Variants in ATP9B observed in about 807,000 individuals in gnomAD.
The protein encoded by ATP9B is probable phospholipid-transporting ATPase IIB.
Under a neutral mutation model 146.1 loss-of-function variants are expected in ATP9B, and 110 were observed. That is an observed-to-expected ratio of 0.75 (90% CI 0.65 to 0.88). ATP9B has a LOEUF of 0.88. Ranked by LOEUF, ATP9B falls within the 40% of genes least tolerant of loss-of-function variation. The probability of loss-of-function intolerance (pLI) is 0.00; values close to 1 mark genes in which losing one functional copy is unlikely to be tolerated. For missense variants in ATP9B, 1,499 were observed against 1,496.4 expected (o/e 1.00, Z -0.03); for synonymous variants, 604 against 569.7 (o/e 1.06, Z -0.86).
Position 79,126,236 on chromosome 18 carries a change from T to C in ATP9B, c.559-31T>C, listed in dbSNP as rs1283694121. ...TTTTGTCTTTTTTGTTAAAGTTTAGTTTTCTAAAAATACCTTATTTTGTTT... is the reference window on the plus strand; with the variant it reads ...TTTTGTCTTTTTTGTTAAAGTTTAGCTTTCTAAAAATACCTTATTTTGTTT... On this transcript the variant is annotated intron_variant, in intron 4 of 29. Transcript: ENST00000426216. The C allele has an allele frequency of 2.6e-6, 4 of 1,544,616 alleles. No individual in the cohort carries two copies. The African/African-American group carries it at 5.5e-5, about 21-fold the overall frequency.
At chr18:79,318,318 G>A (rs1041455258) in intron 15 of ATP9B, among the ~76,000 whole-genome samples, 4 of 152,224 alleles carry the variant, frequency 2.6e-5, no homozygotes, top group Admixed American at 2.0e-4. Flanking sequence ...GTGAAAAGTC[G>A]TGTTGCTAGA....
chr18:79,254,259 T>A (rs892971023), intron 12 of ATP9B: 3 of 152,264 alleles, frequency 2.0e-5, no homozygotes, highest in Non-Finnish European at 4.4e-5. Context: ...ATGCTTAGGC[T>A]CAAGGATGTA....
Position 79,348,197 on chromosome 18 carries a change from G to A in ATP9B, c.2903+1G>A. On this transcript the variant is annotated splice_donor_variant, in intron 25 of 29. Transcript: ENST00000426216. LOFTEE classifies it high-confidence loss of function. ...TGTATCAGGGCTTCCTCATGGTGGG[G>A]TAAGTTACACTCAGAACCTGCCAGC... 6.3e-7 allele frequency: 1 copy of A among 1,586,962 alleles called. No homozygotes were observed. The highest frequency in any genetic ancestry group is 2.3e-5 in the East Asian group (1 of 43,106).
chr18:79,129,631 A>G (rs937115919), intron 5 of ATP9B, among the ~76,000 whole-genome samples: 1 of 152,270 alleles, frequency 6.6e-6, no homozygotes, highest in African/African-American at 2.4e-5. Flanking sequence ...AAAATAGTGT[A>G]GAAAAATCAG....
At chr18:79,320,584 A>G (rs1433676124) in intron 15 of ATP9B, among the ~76,000 whole-genome samples, 5 of 152,212 alleles carry the variant, frequency 3.3e-5, no homozygotes, top group Admixed American at 3.3e-4. Flanking sequence ...TTGTTGGAAG[A>G]TAAACCCCAG....
chr18:79,094,587 G>A (rs994311674), intron 1 of ATP9B, among the ~76,000 whole-genome samples: 8 of 152,164 alleles, frequency 5.3e-5, no homozygotes, highest in Non-Finnish European at 1.0e-4. Context: ...AATAGGGCTA[G>A]GAGAAACAAA....
At chr18:79,307,397 G>T (rs894401149) in intron 15 of ATP9B, 163 bp downstream of exon 15, 2 of 1,065,822 alleles carry the variant, frequency 1.9e-6, no homozygotes, top group Non-Finnish European at 2.6e-6. Context: ...ATTCCAGCAT[G>T]TAGCCTCTGA....
chr18:79,256,284 T>TATATATATATAC (rs1217998447), intron 12 of ATP9B, among the ~76,000 whole-genome samples: 4 of 122,882 alleles, frequency 3.3e-5, no homozygotes, highest in African/African-American at 8.8e-5. Flanking sequence ...TATATATATA[T>TATATATATATAC]ATACATACAT....
chr18:79,084,987 T>C (rs1453339229), intron 1 of ATP9B: 1 of 144,418 alleles, frequency 6.9e-6, no homozygotes, highest in Non-Finnish European at 1.5e-5. Flanking sequence ...AATATAATAC[T>C]TGAGGCTGGG....
chr18:79,354,518 A>T (rs1205985538), intron 25 of ATP9B: 1 of 139,732 alleles, frequency 7.2e-6, no homozygotes, highest in Non-Finnish European at 1.5e-5. Context: ...GCAGTGAGTC[A>T]TGATTGCACC....
chr18:79,327,276 A>G (rs2096752771), intron 15 of ATP9B, among the ~76,000 whole-genome samples: 1 of 152,220 alleles, frequency 6.6e-6, no homozygotes, highest in African/African-American at 2.4e-5. Flanking sequence ...GGTGGGTGAG[A>G]ATGAGGTTGT....
At chr18:79,356,046 G>T (rs1262251763) in intron 25 of ATP9B, among the ~76,000 whole-genome samples, 1 of 152,214 alleles carries the variant, frequency 6.6e-6, no homozygotes, top group Non-Finnish European at 1.5e-5. Flanking sequence ...TCCAAGCTCA[G>T]CCATGAAGGG....
chr18:79,208,236 T>G (rs2095553556), intron 10 of ATP9B, among the ~76,000 whole-genome samples: 1 of 152,096 alleles, frequency 6.6e-6, no homozygotes, highest in Non-Finnish European at 1.5e-5. Context: ...CAGAGCGAGA[T>G]GCCATCTCAA....
intron 9 of ATP9B, among the ~76,000 whole-genome samples, chr18:79,199,775 A>G (rs1395606233): frequency 6.6e-6 from 1 of 151,890 alleles, no homozygotes; most frequent in Non-Finnish European, 1.5e-5. Flanking sequence ...AAAAAAAAAA[A>G]AAAGAAAAAT....
rs2096745288 is a variant in ATP9B at position 79,326,371 on chromosome 18, GTACCCTCCCTCCCCT to G, written c.1774-2769_1774-2755del. 1.0e-3 allele frequency among the ~76,000 whole-genome samples: 13 copies of G among 12,428 alleles called. 1 individual carries two copies. The East Asian group carries it at 0.027, about 26-fold the overall frequency. The allele number at this position is 12,428 out of a possible 152,430, so 8.2% of individuals were successfully genotyped here. ...CACATGGTGTTAGGGTGTCATCTCT[GTACCCTCCCTCCCCT>G]CACATGGTGTTAGGGTGTCATCTCT... On this transcript the variant is annotated intron_variant, in intron 15 of 29. Coordinates refer to ENST00000426216, the MANE Select transcript of ATP9B (RefSeq NM_198531.5).
rs1369938993 is a variant in ATP9B, at chr18:79,359,375, G to A, written c.2925G>A (p.Met975Ile). ...LMVGYATIYT[M>I]FPVFSLVLDQ... is the part of the protein sequence containing the mutation. The stretch of plus-strand genomic sequence containing the variant: ...GCAGGTATGCCACCATATACACCAT[G>A]TTCCCAGTGTTCTCCTTAGTGCTGG... Residue 975 changes from methionine to isoleucine, a missense_variant, in exon 26 of 30, where the codon ATG becomes ATA. Coordinates refer to ENST00000426216, the MANE Select transcript of ATP9B (RefSeq NM_198531.5). 6.2e-7 allele frequency: 1 copy of A among 1,613,798 alleles called. No homozygotes were observed. Among genetic ancestry groups the A allele is most frequent in the East Asian group, 2.2e-5 (1 of 44,872 alleles).
intron 10 of ATP9B, among the ~76,000 whole-genome samples, chr18:79,213,471 G>C: frequency 6.6e-6 from 1 of 151,874 alleles, no homozygotes; most frequent in East Asian, 1.9e-4. Flanking sequence ...TATTTTAATT[G>C]TACACATTTT....
At chr18:79,117,662 A>C (rs2094110873) in intron 4 of ATP9B, 1 of 152,304 alleles carries the variant, frequency 6.6e-6, no homozygotes, top group East Asian at 1.9e-4. Context: ...CTGGGTGAAA[A>C]AGGAAGCCGT....
rs1474291905 is a variant in ATP9B, at chr18:79,096,460, T to A, written c.120-16T>A. 10 of 1,608,312 alleles carry A rather than the reference T, an allele frequency of 6.2e-6. No homozygotes were observed. The highest frequency in any genetic ancestry group is 5.0e-5 in the Admixed American group (3 of 59,716). ...CTGCTTGGCCTATCTCAGCACTCCA[T>A]TTTTACCCTAACTAGGTACCAGCTG... On this transcript the variant is annotated splice_polypyrimidine_tract_variant and intron_variant, in intron 1 of 29. Coordinates refer to ENST00000426216, the MANE Select transcript of ATP9B (RefSeq NM_198531.5).
Sources: gnomAD v4.1 joint callset for allele counts (sites outside exome capture counted in the v4.1 genomes callset) on GRCh38, gnomAD v4.1.1 for gene constraint, MANE v1.5 for transcripts, NCBI Gene and HGNC (gene_info 2026-07-23, HGNC 2026-07-21) for gene names.